Variants in SP3 observed in about 807,000 individuals in gnomAD.
The protein encoded by SP3 is Sp3 transcription factor, also known as transcription factor Sp3.
SP3 carries 10 observed loss-of-function variants against 70.3 expected under a neutral mutation model. The observed-to-expected ratio is 0.14, with a 90% CI of 0.09 to 0.24. The LOEUF is 0.24. Among genes scored for constraint, SP3 ranks in the 10% least tolerant of loss-of-function variants. The pLI is 1.00. For missense variants in SP3, 825 were observed against 914.6 expected (o/e 0.90, Z 1.26); for synonymous variants, 402 against 333.5 (o/e 1.21, Z -2.24).
intron 4 of SP3, among the ~76,000 whole-genome samples, chr2:173,933,988 C>G (rs1690145989): frequency 5.1e-5 from 1 of 19,678 alleles, no homozygotes; most frequent in Non-Finnish European, 8.3e-5. Flanking sequence ...GTCCCAGTTA[C>G]TTGGAGGCAG....
At chr2:173,943,856 A>G (rs1344188676) in intron 4 of SP3, among the ~76,000 whole-genome samples, 1 of 152,222 alleles carries the variant, frequency 6.6e-6, no homozygotes, top group Non-Finnish European at 1.5e-5. Context: ...CAAACATCAC[A>G]GTCTTTCTTA....
At chr2:173,941,238 TAA>T (rs1044394915) in intron 4 of SP3, among the ~76,000 whole-genome samples, 1 of 152,116 alleles carries the variant, frequency 6.6e-6, no homozygotes, top group Admixed American at 6.6e-5. Flanking sequence ...AACCACTTGT[TAA>T]AAGTCACCAA....
chr2:173,945,982 C>T (rs1225626828), intron 4 of SP3, among the ~76,000 whole-genome samples: 2 of 152,072 alleles, frequency 1.3e-5, no homozygotes, highest in Non-Finnish European at 2.9e-5. Context: ...CAAAAATTAG[C>T]CAGGCATGGT....
chr2:173,920,999 G>C (rs1186058511), intron 4 of SP3, among the ~76,000 whole-genome samples: 2 of 152,002 alleles, frequency 1.3e-5, no homozygotes, highest in Admixed American at 1.3e-4. Flanking sequence ...GAGATTTCAG[G>C]GTTGCTGGTA....
At position 173,955,955 on chromosome 2, in the gene SP3, A is replaced by G. The variant is rs754822809; in HGVS notation, c.557T>C (p.Ile186Thr). 3.1e-6 allele frequency: 5 copies of G among 1,614,202 alleles called. No homozygotes were observed. In the South Asian group the frequency reaches 4.4e-5, roughly 14 times the overall value. Residue 186 changes from isoleucine (I) to threonine (T), a missense_variant, in exon 4 of 7, where the codon ATT (isoleucine) becomes ACT (threonine). Transcript: ENST00000310015. ...IQSADGQQVQ[I>T]GFTGSSDNGG... ...ATTATCTGAAGAGCCTGTGAAACCA[A>G]TTTGAACCTGCTGACCATCTGCTGA...
chr2:173,926,320 G>A (rs1177309925), intron 4 of SP3, among the ~76,000 whole-genome samples: 1 of 151,774 alleles, frequency 6.6e-6, no homozygotes, highest in Non-Finnish European at 1.5e-5. Flanking sequence ...TCATCTCTTG[G>A]TATTTAATAG....
intron 2 of SP3, 157 bp from the exon 3 acceptor site, chr2:173,964,040 G>C: frequency 5.2e-6 from 2 of 384,056 alleles, no homozygotes; most frequent in Non-Finnish European, 9.1e-6. Flanking sequence ...TCCTCCTCCT[G>C]GTCCCGCCGC....
chr2:173,961,441 A>G (rs933451077), intron 3 of SP3, among the ~76,000 whole-genome samples: 1 of 152,218 alleles, frequency 6.6e-6, no homozygotes, highest in African/African-American at 2.4e-5. Flanking sequence ...AACAATATAT[A>G]TGCAATGTGG....
Position 173,904,949 on chromosome 2 carries a change from T to C in SP3, c.*4992A>G, listed in dbSNP as rs141556096. Reference sequence around the variant, plus strand: ...GCTAGACTTTATCTTTCAGTCGCAATGAACCTGAAGATTCTTCGGCTGGTT... The same window carrying C: ...GCTAGACTTTATCTTTCAGTCGCAACGAACCTGAAGATTCTTCGGCTGGTT... On this transcript the variant is annotated 3_prime_UTR_variant, in exon 7 of 7. Transcript: ENST00000310015. Among the ~76,000 whole-genome samples, 1 of 152,362 alleles carries C rather than the reference T, an allele frequency of 6.6e-6. No homozygotes were observed. Among genetic ancestry groups the C allele is most frequent in the African/African-American group, 2.4e-5 (1 of 41,594 alleles).
rs987371593 is a variant in SP3, at chr2:173,904,420, T to C, written c.*5521A>G. On this transcript the variant is annotated 3_prime_UTR_variant, in exon 7 of 7. Coordinates refer to ENST00000310015, the MANE Select transcript of SP3 (RefSeq NM_003111.5). ...ACAGCCTTCTGACTTAAGAAAAAAC[T>C]AAGTTGGGGAGTCTCTCTGTAAGGT... Among the ~76,000 whole-genome samples the C allele has an allele frequency of 8.6e-5, 13 of 151,438 alleles. No individual in the cohort carries two copies. Among genetic ancestry groups the C allele is most frequent in the Non-Finnish European group, 1.6e-4 (11 of 68,020 alleles).
intron 4 of SP3, among the ~76,000 whole-genome samples, chr2:173,942,491 A>T (rs1690401835): frequency 6.6e-6 from 1 of 152,144 alleles, no homozygotes. Context: ...GCTTGAACCC[A>T]GGAGGTGGAA....
At chr2:173,952,742 A>C (rs1366530414) in intron 4 of SP3, among the ~76,000 whole-genome samples, 1 of 152,244 alleles carries the variant, frequency 6.6e-6, no homozygotes, top group African/African-American at 2.4e-5. Flanking sequence ...AGGTAATGAC[A>C]CATACCATGA....
chr2:173,959,631 G>A (rs1262475444), intron 3 of SP3, among the ~76,000 whole-genome samples: 2 of 152,156 alleles, frequency 1.3e-5, no homozygotes, highest in Admixed American at 1.3e-4. Flanking sequence ...CTCTGGGGCT[G>A]TAGTCCCAGC....
At position 173,903,762 on chromosome 2, in the gene SP3, T is replaced by C. The variant is rs544620937; in HGVS notation, c.*6179A>G. On this transcript the variant is annotated 3_prime_UTR_variant, in exon 7 of 7. Transcript: ENST00000310015. ...CTGTTAAGAGGGCGTCCTGAAACTGTAGAGGGACTTCTAAGGCTTTTAATC... is the reference window on the plus strand; with the variant it reads ...CTGTTAAGAGGGCGTCCTGAAACTGCAGAGGGACTTCTAAGGCTTTTAATC... Among the ~76,000 whole-genome samples, 86 of 152,310 alleles carry C rather than the reference T, an allele frequency of 5.6e-4. No homozygotes were observed. In the South Asian group the frequency reaches 0.012, roughly 21 times the overall value.
At position 173,908,176 on chromosome 2, in the gene SP3, A is replaced by G. The variant is rs1215499884; in HGVS notation, c.*1765T>C. Reference sequence around the variant, plus strand: ...CAACGCTTGTCTTATCATTTTCAGGAGTCTTAATGTAAATTCAGGTTTTCG... The same window carrying G: ...CAACGCTTGTCTTATCATTTTCAGGGGTCTTAATGTAAATTCAGGTTTTCG... On this transcript the variant is annotated 3_prime_UTR_variant, in exon 7 of 7. Coordinates refer to ENST00000310015, the MANE Select transcript of SP3 (RefSeq NM_003111.5). 1 of 152,126 alleles carries G rather than the reference A, an allele frequency of 6.6e-6. No homozygotes were observed. Among genetic ancestry groups the G allele is most frequent in the African/African-American group, 2.4e-5 (1 of 41,452 alleles). 9.4% of individuals were successfully genotyped at this position (152,126 alleles called of 1,614,324 possible). A position where few individuals can be genotyped will look rare whatever the true frequency, so the allele number is the denominator to read the frequency against.
At chr2:173,946,058 TG>T (rs1690525460) in intron 4 of SP3, among the ~76,000 whole-genome samples, 1 of 151,774 alleles carries the variant, frequency 6.6e-6, no homozygotes, top group Non-Finnish European at 1.5e-5. Flanking sequence ...ACCCAGGAGG[TG>T]GAGGGTGCAC....
rs1218622748 is a variant in SP3, at chr2:173,955,667, C to A, written c.845G>T (p.Ser282Ile). Residue 282 changes from serine to isoleucine, a missense_variant, in exon 4 of 7, where the codon AGT (serine) becomes ATT (isoleucine). Physicochemically the swap from Ser to Ile is moderately radical, Grantham distance 142. Transcript: ENST00000310015. The stretch of plus-strand genomic sequence containing the variant: ...AATGCCTGCAGTCATTGTCTGAGAA[C>A]TGCCCGAGAGTCCCAAAGAATCTAG... ...VDLDSLGLSG[S>I]SQTMTAGINA... 6.2e-7 allele frequency: 1 copy of A among 1,614,074 alleles called. No individual in the cohort carries two copies. The highest frequency in any genetic ancestry group is 8.5e-7 in the Non-Finnish European group (1 of 1,180,044).
rs1559083981 is a variant in SP3 at position 173,901,311 on chromosome 2, AAC to A, written c.*8628_*8629del. Among the ~76,000 whole-genome samples the A allele has an allele frequency of 6.6e-6, 1 of 152,164 alleles. No homozygotes were observed. The highest frequency in any genetic ancestry group is 1.5e-5 in the Non-Finnish European group (1 of 68,034). On this transcript the variant is annotated 3_prime_UTR_variant, in exon 7 of 7. Transcript: ENST00000310015. Reference sequence around the variant, plus strand: ...AGATACAATAAAACTTCTGCAAAACAACACACACAAAACACCATAAACAAAAT... The same window carrying A: ...AGATACAATAAAACTTCTGCAAAACAACACACAAAACACCATAAACAAAAT...
chr2:173,926,618 G>T (rs1366102247), intron 4 of SP3, among the ~76,000 whole-genome samples: 1 of 152,118 alleles, frequency 6.6e-6, no homozygotes, highest in African/African-American at 2.4e-5. Flanking sequence ...GGGCAACACA[G>T]CAAGACCAGT....
Sources: allele counts gnomAD v4.1 joint callset (sites outside exome capture counted in the v4.1 genomes callset), GRCh38; gene constraint gnomAD v4.1.1; transcripts MANE v1.5; gene names NCBI Gene and HGNC (gene_info 2026-07-23, HGNC 2026-07-21).